The following NEB variants were observed in gnomAD, a reference collection of about 807,000 sequenced individuals.
NEB encodes the protein nemaline myopathy type 2.
NEB carries 512 observed loss-of-function variants against 952.2 expected under a neutral mutation model. The observed-to-expected ratio is 0.54, with a 90% confidence interval of 0.50 to 0.58. NEB has a LOEUF of 0.58. Among genes scored for constraint, NEB ranks in the 20% least tolerant of loss-of-function variants. The pLI is 0.00. For synonymous variants in NEB, 2,900 were observed against 3,149.8 expected (o/e 0.92, Z 2.66); for missense variants, 8,428 against 9,231.1 (o/e 0.91, Z 3.56).
intron 52 of NEB, among the ~76,000 whole-genome samples, chr2:151,652,369 GCA>G (rs2099040518): frequency 6.6e-6 from 1 of 152,020 alleles, no homozygotes; most frequent in Non-Finnish European, 1.5e-5. Flanking sequence ...GAGACTCCAG[GCA>G]CACACCACCA....
intron 156 of NEB, among the ~76,000 whole-genome samples, chr2:151,517,508 A>G (rs774426432): frequency 2.4e-4 from 37 of 152,324 alleles, no homozygotes; most frequent in Middle Eastern, 6.8e-3. Flanking sequence ...AGAATCTTCA[A>G]TTATAGTCAT....
intron 46 of NEB, among the ~76,000 whole-genome samples, chr2:151,659,713 C>A (rs1264401211): frequency 6.6e-6 from 1 of 152,086 alleles, no homozygotes; most frequent in Non-Finnish European, 1.5e-5. Flanking sequence ...GTAGCATTTG[C>A]CTCCTAAAAT....
intron 77 of NEB, among the ~76,000 whole-genome samples, 176 bp downstream of exon 77, chr2:151,614,100 A>G (rs572387830): frequency 2.0e-5 from 3 of 152,314 alleles, no homozygotes; most frequent in East Asian, 1.9e-4. Context: ...TTTGATAATG[A>G]TATTTCAATA....
Position 151,687,491 on chromosome 2 carries a change from C to T in NEB, c.2565G>A (p.Met855Ile). 2 of 1,614,010 alleles carry T rather than the reference C, an allele frequency of 1.2e-6. No homozygotes were observed. The highest frequency in any genetic ancestry group is 1.7e-6 in the Non-Finnish European group (2 of 1,179,882). The change falls in exon 27 of 182, where the codon ATG becomes ATA. Residue 855 changes from methionine (M) to isoleucine (I), a missense_variant. Physicochemically the swap from Met to Ile is conservative, Grantham distance 10. Coordinates refer to ENST00000397345, the MANE Select transcript of NEB (RefSeq NM_001164508.2). ...CGTCATTAATGCTGAGGGCTCCAAT[C>T]ATTTTCCCTTTGCTCTTTTCATAGT... ...KKDYEKSKGK[M>I]IGALSINDDP...
chr2:151,570,533 G>A lies in NEB; in HGVS notation c.17082C>T (p.Ile5694=). The A allele has an allele frequency of 6.2e-7, 1 of 1,611,662 alleles. No individual in the cohort carries two copies. Among genetic ancestry groups the A allele is most frequent in the Non-Finnish European group, 8.5e-7 (1 of 1,179,058 alleles). ...TCTCCCTGGAGGCCTTGGCAGCCTG[G>A]ATGGGGATGGCATCCAGCCGGACAT... ...GCDVRLDAIP[I]QAAKASREIA... The change falls in exon 108 of 182, where the codon ATC becomes ATT. Residue 5694 remains isoleucine (I), a synonymous_variant. Coordinates refer to ENST00000397345, the MANE Select transcript of NEB (RefSeq NM_001164508.2).
At position 151,730,161 on chromosome 2, in the gene NEB, A is replaced by G. The variant is rs750828421; in HGVS notation, c.37-505T>C. On this transcript the variant is annotated intron_variant, in intron 3 of 181. Coordinates refer to ENST00000397345, the MANE Select transcript of NEB (RefSeq NM_001164508.2). ...GATCCCAAGGTATATCCACATCTCAATTATTCCTATACCCTCCTGATTAGT... is the reference window on the plus strand; with the variant it reads ...GATCCCAAGGTATATCCACATCTCAGTTATTCCTATACCCTCCTGATTAGT... Among the ~76,000 whole-genome samples the G allele has an allele frequency of 8.5e-5, 13 of 152,344 alleles. 1 individual carries two copies. Among genetic ancestry groups the G allele is most frequent in the Admixed American group, 3.9e-4 (6 of 15,304 alleles).
intron 13 of NEB, among the ~76,000 whole-genome samples, chr2:151,704,508 C>T (rs1312762217): frequency 1.2e-4 from 18 of 149,622 alleles, no homozygotes; most frequent in African/African-American, 3.7e-4. Flanking sequence ...TAGCAATCAG[C>T]GAGACTCCGT....
At chr2:151,604,084 C>T (rs1275020618) in intron 85 of NEB, among the ~76,000 whole-genome samples, 1 of 123,036 alleles carries the variant, frequency 8.1e-6, no homozygotes, top group African/African-American at 3.6e-5. Flanking sequence ...CTTTTATGTA[C>T]CACTGGAAGT....
At chr2:151,625,117 T>G (rs2098494488) in intron 71 of NEB, among the ~76,000 whole-genome samples, 1 of 152,208 alleles carries the variant, frequency 6.6e-6, no homozygotes, top group South Asian at 2.1e-4. Flanking sequence ...TTTACCTCAT[T>G]TAGTCATTCT....
chr2:151,520,568 T>C (rs1315365123), intron 153 of NEB, among the ~76,000 whole-genome samples: 3 of 152,162 alleles, frequency 2.0e-5, no homozygotes, highest in Admixed American at 6.5e-5. Flanking sequence ...AGGTAAAATA[T>C]CTAAAGAGGA....
intron 4 of NEB, among the ~76,000 whole-genome samples, chr2:151,728,115 C>A (rs1285863695): frequency 6.6e-6 from 1 of 152,098 alleles, no homozygotes; most frequent in Non-Finnish European, 1.5e-5. Flanking sequence ...GTTGGGATTG[C>A]GTGGAATAAA....
In NEB at chr2:151,609,837, G is replaced by T. The variant is rs749832597; in HGVS notation, c.12302C>A (p.Ala4101Glu). The T allele has an allele frequency of 8.8e-6, 14 of 1,587,070 alleles. No homozygotes were observed. The Admixed American group carries it at 1.1e-4, about 12-fold the overall frequency. ...CMPDQNDIIQAKKAYDLQSDS... is the reference protein window; with the variant it reads ...CMPDQNDIIQEKKAYDLQSDS... ...ACTCTGCAGGTCATAGGCCTTTTTT[G>T]CTTGGATAATGTCGTTTTGATCCGG... Residue 4101 changes from alanine (A) to glutamate (E), a missense_variant, in exon 81 of 182, where the codon GCA becomes GAA. Transcript: ENST00000397345.
intron 145 of NEB, chr2:151,530,606 C>A: frequency 6.1e-6 from 1 of 163,732 alleles, no homozygotes; most frequent in Non-Finnish European, 1.3e-5. Flanking sequence ...AAAATCAGTA[C>A]CTCAGGATAT....
intron 80 of NEB, 51 bp downstream of exon 80, chr2:151,610,465 G>C (rs958682354): frequency 1.1e-5 from 16 of 1,404,910 alleles, no homozygotes; most frequent in South Asian, 4.7e-5. Flanking sequence ...GCCACCCTCT[G>C]GGTTGTTCAG....
intron 13 of NEB, among the ~76,000 whole-genome samples, chr2:151,705,508 C>T (rs1382178957): frequency 1.3e-5 from 2 of 152,094 alleles, no homozygotes; most frequent in African/African-American, 4.8e-5. Context: ...CCATGGAAAA[C>T]AGTATGGAGA....
At chr2:151,569,450 G>A (rs2096550307) in intron 109 of NEB, 78 bp from the exon 110 acceptor site, 13 of 1,064,782 alleles carry the variant, frequency 1.2e-5, no homozygotes, top group East Asian at 2.4e-5. Context: ...GTCTCATGAA[G>A]AAATACAATG....
At position 151,508,077 on chromosome 2, in the gene NEB, CA is replaced by C. The variant is rs1553603690; in HGVS notation, c.23378del (p.Met7793SerfsTer51). 1 of 1,609,902 alleles carries C rather than the reference CA, an allele frequency of 6.2e-7. No homozygotes were observed. Among genetic ancestry groups the C allele is most frequent in the Non-Finnish European group, 8.5e-7 (1 of 1,177,868 alleles). On this transcript the variant is annotated frameshift_variant, in exon 162 of 182. Coordinates refer to ENST00000397345, the MANE Select transcript of NEB (RefSeq NM_001164508.2). LOFTEE classifies it high-confidence loss of function. ...KKYKEDAEKS[M>X]SYYETVLDTP... ...TGTCCAAAACAGTCTCATAATACGA[CA>C]TGGACTTCTCAGCATCTTCCTTGTA...
rs113525641 is a variant in NEB at position 151,490,371 on chromosome 2, C to T, written c.25297+1G>A. The stretch of plus-strand genomic sequence containing the variant: ...CCAAAATCAGCGCCAGGCACTTGTA[C>T]CTGTTGAGACTGCAAAGACACCCCC... On this transcript the variant is annotated splice_donor_variant, in intron 180 of 181. Coordinates refer to ENST00000397345, the MANE Select transcript of NEB (RefSeq NM_001164508.2). LOFTEE classifies it high-confidence loss of function. The T allele has an allele frequency of 6.3e-7, 1 of 1,587,496 alleles. No individual in the cohort carries two copies. The highest frequency in any genetic ancestry group is 8.6e-7 in the Non-Finnish European group (1 of 1,165,780).
rs1479023200 is a variant in NEB at position 151,694,089 on chromosome 2, A to G, written c.1896+234T>C. Among the ~76,000 whole-genome samples the G allele has an allele frequency of 2.6e-5, 4 of 152,202 alleles. No individual in the cohort carries two copies. In the East Asian group the frequency reaches 7.7e-4, roughly 29 times the overall value. The stretch of plus-strand genomic sequence containing the variant: ...ATATTGGCAGAATATTTTTCCTCCT[A>G]ATAAAACAGAGGGCATTAAGGAGAT... On this transcript the variant is annotated intron_variant, in intron 20 of 181. Transcript: ENST00000397345.
Sources: allele counts gnomAD v4.1 joint callset (sites outside exome capture counted in the v4.1 genomes callset), GRCh38; gene constraint gnomAD v4.1.1; transcripts MANE v1.5; gene names NCBI Gene and HGNC (gene_info 2026-07-23, HGNC 2026-07-21).